Variants in IQCM observed in about 807,000 individuals in gnomAD.
IQCM encodes IQ motif containing M.
In IQCM, 45 loss-of-function variants were observed where a neutral mutation model predicts 57.6. The ratio of observed to expected loss-of-function variants is 0.78; its 90% CI spans 0.62 to 1.00. The LOEUF (loss-of-function observed/expected upper bound fraction) is 1.00, where lower values mean the gene tolerates loss of function less well. Ranked by LOEUF, IQCM falls within the 50% of genes least tolerant of loss-of-function variation. The probability of loss-of-function intolerance (pLI) is 0.00; values close to 1 mark genes in which losing one functional copy is unlikely to be tolerated. For missense variants in IQCM, 468 were observed against 511.6 expected, an observed-to-expected ratio of 0.91 and a Z score of 0.82; for synonymous variants, 148 against 158.9, an observed-to-expected ratio of 0.93 and a Z score of 0.51.
rs1752464297 is a variant in IQCM at position 149,584,264 on chromosome 4, A to T, written c.749+3666T>A. ...TCTCAACCATATTTTAATCTTATGA[A>T]TTTCTAACAACTTTCAGAAACTTAT... On this transcript the variant is annotated intron_variant, in intron 9 of 13. Coordinates refer to ENST00000636793, the MANE Select transcript of IQCM (RefSeq NM_001363507.2). Among the ~76,000 whole-genome samples, 3 of 151,544 alleles carry T rather than the reference A, an allele frequency of 2.0e-5. No individual in the cohort carries two copies. The South Asian group carries it at 6.2e-4, about 31-fold the overall frequency.
intron 8 of IQCM, among the ~76,000 whole-genome samples, chr4:149,601,161 A>G (rs1408556217): frequency 6.6e-6 from 1 of 151,886 alleles, no homozygotes; most frequent in Non-Finnish European, 1.5e-5. Context: ...GTGCTTATAA[A>G]TCACTACAGA....
At chr4:149,801,418 A>C (rs879404331) in intron 2 of IQCM, among the ~76,000 whole-genome samples, 2 of 152,012 alleles carry the variant, frequency 1.3e-5, no homozygotes, top group Non-Finnish European at 2.9e-5. Flanking sequence ...GGAGATCCGT[A>C]TATCAAAGAG....
chr4:149,515,332 TG>T (rs113253638), intron 12 of IQCM, among the ~76,000 whole-genome samples: 20 of 152,180 alleles, frequency 1.3e-4, no homozygotes, highest in African/African-American at 4.8e-4. Flanking sequence ...ACCCATAAAG[TG>T]GGTTGTGCAC....
chr4:149,560,095 G>A (rs1444588307), intron 10 of IQCM, among the ~76,000 whole-genome samples: 2 of 152,158 alleles, frequency 1.3e-5, no homozygotes, highest in Non-Finnish European at 2.9e-5. Flanking sequence ...AAAGGTTGGG[G>A]ATTGCTGCTA....
At chr4:149,497,197 C>T (rs770821748) in intron 12 of IQCM, among the ~76,000 whole-genome samples, 1 of 152,034 alleles carries the variant, frequency 6.6e-6, no homozygotes, top group Admixed American at 6.6e-5. Flanking sequence ...TCAGCTGGAT[C>T]CTGGGCTTTC....
intron 5 of IQCM, among the ~76,000 whole-genome samples, chr4:149,732,269 A>G (rs1766529102): frequency 6.6e-6 from 1 of 152,122 alleles, no homozygotes; most frequent in African/African-American, 2.4e-5. Flanking sequence ...CCCAAAATAT[A>G]TCATATTCTT....
intron 3 of IQCM, chr4:149,737,572 C>T (rs1039509460): frequency 3.3e-4 from 50 of 152,258 alleles, no homozygotes; most frequent in African/African-American, 1.2e-3. Context: ...TATCTCCTTG[C>T]TTTTCACCAC....
At chr4:149,560,732 T>A (rs1750042248) in intron 10 of IQCM, among the ~76,000 whole-genome samples, 3 of 152,218 alleles carry the variant, frequency 2.0e-5, no homozygotes, top group African/African-American at 7.2e-5. Flanking sequence ...AACCAAATTT[T>A]TCATAGGGAA....
intron 9 of IQCM, among the ~76,000 whole-genome samples, chr4:149,581,152 AT>A (rs1752140954): frequency 6.6e-6 from 1 of 151,682 alleles, no homozygotes; most frequent in Admixed American, 6.6e-5. Flanking sequence ...ATAGTATGTC[AT>A]GGCAGGTGGA....
intron 12 of IQCM, among the ~76,000 whole-genome samples, chr4:149,505,548 A>G (rs1221973988): frequency 5.3e-5 from 8 of 152,326 alleles, no homozygotes; most frequent in African/African-American, 1.9e-4. Context: ...ACACTGTCAT[A>G]AAGAAAAGCA....
At chr4:149,743,133 T>A (rs1048354371) in intron 2 of IQCM, among the ~76,000 whole-genome samples, 1 of 152,206 alleles carries the variant, frequency 6.6e-6, no homozygotes, top group Non-Finnish European at 1.5e-5. Flanking sequence ...GATTTCCTAC[T>A]ACTTTCTACT....
chr4:149,542,072 T>C (rs1747902644), intron 12 of IQCM, among the ~76,000 whole-genome samples: 1 of 152,082 alleles, frequency 6.6e-6, no homozygotes, highest in Non-Finnish European at 1.5e-5. Flanking sequence ...TTTTCTGTTG[T>C]CTTTTCATTA....
chr4:149,691,120 T>G (rs1762912607), intron 5 of IQCM: 1 of 152,180 alleles, frequency 6.6e-6, no homozygotes. Context: ...ATTTGCCATA[T>G]GCCAAATGTG....
intron 12 of IQCM, among the ~76,000 whole-genome samples, chr4:149,446,451 G>C (rs985565570): frequency 6.6e-6 from 1 of 151,588 alleles, no homozygotes; most frequent in African/African-American, 2.4e-5. Flanking sequence ...TTATGTAAAT[G>C]ATACTTTTAT....
intron 8 of IQCM, among the ~76,000 whole-genome samples, chr4:149,593,024 T>C (rs1489958448): frequency 2.0e-5 from 3 of 152,190 alleles, no homozygotes; most frequent in Non-Finnish European, 2.9e-5. Flanking sequence ...GGGGATGGCA[T>C]TGAATCTATA....
intron 13 of IQCM, among the ~76,000 whole-genome samples, chr4:149,354,637 C>T (rs1251442404): frequency 6.6e-6 from 1 of 151,898 alleles, no homozygotes; most frequent in Non-Finnish European, 1.5e-5. Flanking sequence ...TATAACATTA[C>T]TCAAAAGAGT....
intron 13 of IQCM, among the ~76,000 whole-genome samples, chr4:149,386,584 C>T (rs2111061122): frequency 6.6e-6 from 1 of 152,058 alleles, no homozygotes; most frequent in African/African-American, 2.4e-5. Flanking sequence ...ATATGAAAGC[C>T]ATATTCAAAA....
At chr4:149,368,819 CATATATATACATGT>C (rs1267152460) in intron 13 of IQCM, among the ~76,000 whole-genome samples, 1 of 72,428 alleles carries the variant, frequency 1.4e-5, no homozygotes, top group African/African-American at 7.1e-5. Context: ...TATATATATA[CATATATATACATGT>C]ATATATATAC....
intron 13 of IQCM, among the ~76,000 whole-genome samples, chr4:149,399,150 T>C (rs1293565636): frequency 1.3e-5 from 2 of 152,064 alleles, no homozygotes; most frequent in African/African-American, 2.4e-5. Context: ...TAGAGTAACA[T>C]TCATAAATAT....
Sources: gnomAD v4.1 joint callset for allele counts (sites outside exome capture counted in the v4.1 genomes callset) on GRCh38, gnomAD v4.1.1 for gene constraint, MANE v1.5 for transcripts, NCBI Gene and HGNC (gene_info 2026-07-23, HGNC 2026-07-21) for gene names.